Variants in MKKS observed in about 807,000 individuals in gnomAD.
MKKS encodes molecular chaperone MKKS.
In MKKS, 29 loss-of-function variants were observed where a neutral mutation model predicts 33.2. The observed-to-expected ratio is 0.87, with a 90% CI of 0.65 to 1.19. The LOEUF is 1.19. Ranked by LOEUF, MKKS falls within the 50% of genes most tolerant of loss-of-function variation. The pLI, the probability that MKKS is intolerant of heterozygous loss-of-function variation, is 0.00. For synonymous variants in MKKS, 260 were observed against 244.0 expected (o/e 1.07, Z -0.61); for missense variants, 661 against 662.3 (o/e 1.00, Z 0.02).
chr20:10,420,121 G>A (rs1428178714), intron 2 of MKKS, among the ~76,000 whole-genome samples: 2 of 152,002 alleles, frequency 1.3e-5, no homozygotes, highest in African/African-American at 4.8e-5. Flanking sequence ...ACAAATTATG[G>A]TCAAGCTAAA....
intron 1 of MKKS, among the ~76,000 whole-genome samples, chr20:10,421,030 A>G (rs1385991757): frequency 2.6e-5 from 4 of 152,244 alleles, no homozygotes; most frequent in Admixed American, 2.6e-4. Context: ...TGGAAAAGCT[A>G]TATGAATCTT....
At chr20:10,419,523 A>C (rs1430948367) in intron 2 of MKKS, among the ~76,000 whole-genome samples, 1 of 152,206 alleles carries the variant, frequency 6.6e-6, no homozygotes, top group African/African-American at 2.4e-5. Context: ...AAGACCACCC[A>C]GTGGATGCCT....
Position 10,405,147 on chromosome 20 carries a change from A to G in MKKS, c.*100T>C. The G allele has an allele frequency of 2.1e-6, 2 of 940,368 alleles. No homozygotes were observed. Among genetic ancestry groups the G allele is most frequent in the South Asian group, 1.8e-5 (1 of 56,412 alleles). The allele number at this position is 940,368 out of a possible 1,614,324, so 58.3% of individuals were successfully genotyped here. A position where few individuals can be genotyped will look rare whatever the true frequency, so the allele number is the denominator to read the frequency against. ...TTATGAGTCATTTGTCCAAATATGT[A>G]GAACAGGGCTTTGGGAGAAAACAAA... On this transcript the variant is annotated 3_prime_UTR_variant, in exon 6 of 6. Coordinates refer to ENST00000347364, the MANE Select transcript of MKKS (RefSeq NM_170784.3).
At chr20:10,410,918 T>C (rs2064879993) in intron 3 of MKKS, among the ~76,000 whole-genome samples, 2 of 152,022 alleles carry the variant, frequency 1.3e-5, no homozygotes, top group Admixed American at 1.3e-4. Context: ...ATTAATGCCA[T>C]GTTTAGGTAT....
intron 5 of MKKS, among the ~76,000 whole-genome samples, chr20:10,406,397 T>C (rs1002332215): frequency 2.6e-5 from 4 of 152,196 alleles, no homozygotes; most frequent in African/African-American, 9.6e-5. Flanking sequence ...TACTAACCTT[T>C]TCTGTGTGTT....
chr20:10,416,160 T>TGTC (rs1273192032), intron 2 of MKKS, among the ~76,000 whole-genome samples: 4 of 152,094 alleles, frequency 2.6e-5, no homozygotes, highest in Non-Finnish European at 4.4e-5. Context: ...GGGTTTTTGT[T>TGTC]GTTGTTGCAG....
At chr20:10,421,123 A>G (rs886074402) in intron 1 of MKKS, among the ~76,000 whole-genome samples, 1 of 152,086 alleles carries the variant, frequency 6.6e-6, no homozygotes, top group African/African-American at 2.4e-5. Context: ...TTTTTAAATT[A>G]TATTTTTTAA....
chr20:10,415,621 A>G (rs2064932446), intron 2 of MKKS, among the ~76,000 whole-genome samples: 1 of 152,206 alleles, frequency 6.6e-6, no homozygotes, highest in Non-Finnish European at 1.5e-5. Flanking sequence ...ATTCAGCAAA[A>G]TCTGAGAAAT....
chr20:10,405,839 T>C, intron 5 of MKKS, 152 bp from the exon 6 acceptor site: 1 of 809,256 alleles, frequency 1.2e-6, no homozygotes, highest in Non-Finnish European at 2.0e-6. Flanking sequence ...CGGGCTTGTA[T>C]GGGTCAGCCG....
At chr20:10,422,713 C>CT (rs59532941) in intron 1 of MKKS, among the ~76,000 whole-genome samples, 20,483 of 143,418 alleles carry the variant, frequency 0.14, 1,609 homozygotes, top group East Asian at 0.24. Context: ...GTTATATTAT[C>CT]TTTTTTTTTT....
In MKKS at chr20:10,413,647, T is replaced by A; in HGVS notation, c.-133A>T. ...AAGTATGAATATGCAGCATTGTGGC[T>A]ATAAAATCAAAAAGTTCAATGTTTA... On this transcript the variant is annotated 5_prime_UTR_variant, in exon 3 of 6. Transcript: ENST00000347364. 1 of 1,009,368 alleles carries A rather than the reference T, an allele frequency of 9.9e-7. No homozygotes were observed. Among genetic ancestry groups the A allele is most frequent in the Admixed American group, 2.2e-5 (1 of 45,624 alleles). 62.5% of individuals were successfully genotyped at this position (1,009,368 alleles called of 1,614,324 possible).
chr20:10,417,742 G>A (rs1172112426), intron 2 of MKKS, among the ~76,000 whole-genome samples: 1 of 151,860 alleles, frequency 6.6e-6, no homozygotes, highest in African/African-American at 2.4e-5. Context: ...GATTACCTAG[G>A]ATCTATTCCA....
intron 1 of MKKS, among the ~76,000 whole-genome samples, chr20:10,423,782 T>C (rs1233939251): frequency 6.6e-6 from 1 of 152,262 alleles, no homozygotes; most frequent in Non-Finnish European, 1.5e-5. Flanking sequence ...AATCTTTTTC[T>C]AGATTTAGGT....
At chr20:10,430,474 G>GA (rs897213515) in intron 1 of MKKS, among the ~76,000 whole-genome samples, 7 of 151,856 alleles carry the variant, frequency 4.6e-5, no homozygotes, top group African/African-American at 7.3e-5. Context: ...ATGTCAAAAA[G>GA]AAAAAAAACA....
At chr20:10,405,756 A>T (rs763366994) in intron 5 of MKKS, 69 bp from the exon 6 acceptor site, 3 of 1,333,016 alleles carry the variant, frequency 2.3e-6, no homozygotes, top group Non-Finnish European at 3.2e-6. Context: ...GAAAAATAAG[A>T]TACTGAAATC....
intron 1 of MKKS, among the ~76,000 whole-genome samples, chr20:10,429,816 A>G (rs1457205303): frequency 6.6e-6 from 1 of 152,158 alleles, no homozygotes; most frequent in African/African-American, 2.4e-5. Flanking sequence ...GGTCCTCTCA[A>G]CAGTGCCATT....
intron 1 of MKKS, among the ~76,000 whole-genome samples, chr20:10,426,791 G>C (rs1440684312): frequency 6.6e-6 from 1 of 152,124 alleles, no homozygotes; most frequent in African/African-American, 2.4e-5. Flanking sequence ...TACAGTTCTG[G>C]AGGTAAGAAA....
intron 1 of MKKS, among the ~76,000 whole-genome samples, chr20:10,432,276 A>C (rs1252536115): frequency 6.6e-6 from 1 of 152,196 alleles, no homozygotes; most frequent in Non-Finnish European, 1.5e-5. Context: ...TCTATTGCCC[A>C]ATCCTGCTTC....
Position 10,409,033 on chromosome 20 carries a change from T to G in MKKS, c.986-230A>C, listed in dbSNP as rs140780492. 0.013 allele frequency among the ~76,000 whole-genome samples: 1,968 copies of G among 151,900 alleles called. 46 individuals are homozygous for G. Among genetic ancestry groups the G allele is most frequent in the African/African-American group, 0.044 (1,842 of 41,524 alleles). ...AAGTTATTTTTGTTTACAGATCTCT[T>G]TGAAAATCTTTTAGAAGTCATTTTG... On this transcript the variant is annotated intron_variant, in intron 3 of 5. Coordinates refer to ENST00000347364, the MANE Select transcript of MKKS (RefSeq NM_170784.3).
Sources: allele counts gnomAD v4.1 joint callset (sites outside exome capture counted in the v4.1 genomes callset), GRCh38; gene constraint gnomAD v4.1.1; transcripts MANE v1.5; gene names NCBI Gene and HGNC (gene_info 2026-07-23, HGNC 2026-07-21).